CMIP: variants seen among roughly 807,000 people sequenced by gnomAD.
The protein encoded by CMIP is C-Maf-inducing protein.
A neutral mutation model predicts 97.3 loss-of-function variants in CMIP; 13 were observed. The ratio of observed to expected loss-of-function variants is 0.13; its 90% CI spans 0.09 to 0.21. The LOEUF (loss-of-function observed/expected upper bound fraction) is 0.21, where lower values mean the gene tolerates loss of function less well. Among genes scored for constraint, CMIP ranks in the 10% least tolerant of loss-of-function variants. CMIP has a pLI of 1.00. For synonymous variants in CMIP, 538 were observed against 436.3 expected, an observed-to-expected ratio of 1.23 and a Z score of -2.91; for missense variants, 847 against 1,024.9, an observed-to-expected ratio of 0.83 and a Z score of 2.37.
chr16:81,643,634 A>G (rs1158480795), intron 3 of CMIP, among the ~76,000 whole-genome samples: 7 of 152,100 alleles, frequency 4.6e-5, no homozygotes, highest in Non-Finnish European at 7.4e-5. Flanking sequence ...TCTACTAAAA[A>G]TACAAAAATT....
At chr16:81,693,560 C>T in intron 13 of CMIP, 73 bp downstream of exon 13, 2 of 1,489,676 alleles carry the variant, frequency 1.3e-6, no homozygotes, top group Non-Finnish European at 1.8e-6. Context: ...CCTTAGAGGC[C>T]TTCTGAAGCT....
At chr16:81,476,467 C>G in intron 1 of CMIP, 1 of 801,664 alleles carries the variant, frequency 1.2e-6, no homozygotes, top group African/African-American at 1.6e-5. Flanking sequence ...GGAGATGCGG[C>G]CCAAGGGCTC....
chr16:81,516,620 G>A (rs1034974042), intron 1 of CMIP, among the ~76,000 whole-genome samples: 4 of 152,166 alleles, frequency 2.6e-5, no homozygotes, highest in Non-Finnish European at 4.4e-5. Context: ...TCGTCAGTGC[G>A]CGGGCACTTG....
chr16:81,490,416 T>G (rs1430140913), intron 1 of CMIP, among the ~76,000 whole-genome samples: 3 of 152,144 alleles, frequency 2.0e-5, no homozygotes, highest in Non-Finnish European at 4.4e-5. Flanking sequence ...GCTCAGGAGT[T>G]CGAGACCAGC....
intron 2 of CMIP, among the ~76,000 whole-genome samples, chr16:81,613,851 C>G (rs1276839851): frequency 5.9e-5 from 9 of 152,204 alleles, no homozygotes; most frequent in Non-Finnish European, 1.2e-4. Flanking sequence ...GTTTTTCCAT[C>G]CATCCATGTC....
chr16:81,524,062 C>G (rs2090081368), intron 1 of CMIP, among the ~76,000 whole-genome samples: 1 of 152,190 alleles, frequency 6.6e-6, no homozygotes, highest in South Asian at 2.1e-4. Flanking sequence ...TAAACTGGCT[C>G]CCTTGGCCTC....
intron 1 of CMIP, among the ~76,000 whole-genome samples, chr16:81,522,515 T>C (rs1174559250): frequency 6.6e-6 from 1 of 152,266 alleles, no homozygotes; most frequent in Non-Finnish European, 1.5e-5. Context: ...GATAGACTTT[T>C]CTTCTTTTTG....
At chr16:81,671,253 T>C (rs2092680929) in intron 8 of CMIP, among the ~76,000 whole-genome samples, 1 of 152,226 alleles carries the variant, frequency 6.6e-6, no homozygotes, top group Non-Finnish European at 1.5e-5. Flanking sequence ...CATGCCCTCA[T>C]GCCAGAACCG....
chr16:81,492,568 CCTT>C, intron 1 of CMIP, among the ~76,000 whole-genome samples: 1 of 94,250 alleles, frequency 1.1e-5, no homozygotes, highest in Admixed American at 1.2e-4. Flanking sequence ...GCCGGCTGGG[CCTT>C]GCTAGCAGGG....
intron 1 of CMIP, among the ~76,000 whole-genome samples, chr16:81,513,560 G>A (rs2089854008): frequency 6.6e-6 from 1 of 152,196 alleles, no homozygotes; most frequent in Non-Finnish European, 1.5e-5. Context: ...GGCTGAGCCG[G>A]CGTGGAGCTG....
intron 14 of CMIP, chr16:81,697,387 C>A (rs1906857499): frequency 6.6e-6 from 1 of 152,312 alleles, no homozygotes; most frequent in South Asian, 2.1e-4. Context: ...GCCACAGACT[C>A]TTCCTCCCCC....
chr16:81,511,959 A>G (rs1330431249), intron 1 of CMIP, among the ~76,000 whole-genome samples: 5 of 152,244 alleles, frequency 3.3e-5, no homozygotes, highest in Non-Finnish European at 7.3e-5. Context: ...GATGTGCTCT[A>G]AGTGTAAAAC....
chr16:81,645,237 G>T (rs772133088), intron 3 of CMIP: 105 of 535,460 alleles, frequency 2.0e-4, no homozygotes, highest in Non-Finnish European at 1.8e-4. Context: ...TTCAAAGCCG[G>T]GCTGGGTCCT....
chr16:81,639,688 G>A (rs1056124905), intron 3 of CMIP, among the ~76,000 whole-genome samples: 5 of 152,160 alleles, frequency 3.3e-5, no homozygotes, highest in South Asian at 2.1e-4. Context: ...TGGCTGTTAC[G>A]AATGACGCTG....
At chr16:81,661,404 C>A (rs2092544894) in intron 6 of CMIP, among the ~76,000 whole-genome samples, 1 of 152,262 alleles carries the variant, frequency 6.6e-6, no homozygotes. Context: ...GCCAGCCTTG[C>A]AGTGGGATTC....
At position 81,710,944 on chromosome 16, in the gene CMIP, A is replaced by G. The variant is rs1908698497; in HGVS notation, c.*1145A>G. On this transcript the variant is annotated 3_prime_UTR_variant, in exon 21 of 21. Coordinates refer to ENST00000537098, the MANE Select transcript of CMIP (RefSeq NM_198390.3). ...TCGTGTGCTTCACGTGGCCCCATGC[A>G]TGCCCGCCTCTCTGCATGGTCTCTT... The G allele has an allele frequency of 6.6e-6, 1 of 151,338 alleles. No individual in the cohort carries two copies. Among genetic ancestry groups the G allele is most frequent in the East Asian group, 2.0e-4 (1 of 5,106 alleles). 9.4% of individuals were successfully genotyped at this position (151,338 alleles called of 1,614,324 possible).
chr16:81,658,872 A>T (rs1027800955), intron 5 of CMIP, among the ~76,000 whole-genome samples: 2 of 152,228 alleles, frequency 1.3e-5, no homozygotes, highest in East Asian at 1.9e-4. Flanking sequence ...CCTCTAGCCG[A>T]ATCAGGGCCT....
intron 1 of CMIP, among the ~76,000 whole-genome samples, chr16:81,489,957 C>T (rs1009157613): frequency 6.6e-6 from 1 of 152,152 alleles, no homozygotes; most frequent in Non-Finnish European, 1.5e-5. Context: ...TATGTGTTTC[C>T]GGCCACCGGG....
chr16:81,595,288 G>T (rs2091536012), intron 1 of CMIP, among the ~76,000 whole-genome samples: 2 of 152,010 alleles, frequency 1.3e-5, no homozygotes, highest in African/African-American at 2.4e-5. Context: ...TGTCTCTATG[G>T]ATTTGCCTAT....
Sources: gnomAD v4.1 joint callset for allele counts (sites outside exome capture counted in the v4.1 genomes callset) on GRCh38, gnomAD v4.1.1 for gene constraint, MANE v1.5 for transcripts, NCBI Gene and HGNC (gene_info 2026-07-23, HGNC 2026-07-21) for gene names.